HPSE2: variants seen among roughly 807,000 people sequenced by gnomAD.
The protein encoded by HPSE2 is inactive heparanase-2.
Under a neutral mutation model 60.5 loss-of-function variants are expected in HPSE2, and 38 were observed. That is an observed-to-expected ratio of 0.63 (90% CI 0.48 to 0.82). HPSE2 has a LOEUF of 0.82. Among genes scored for constraint, HPSE2 ranks in the 40% least tolerant of loss-of-function variants. HPSE2 has a pLI of 0.00. For synonymous variants in HPSE2, 295 were observed against 293.2 expected (o/e 1.01, Z -0.06); for missense variants, 713 against 740.4 (o/e 0.96, Z 0.43).
chr10:99,284,689 G>A, the HPSE2 span, among the ~76,000 whole-genome samples: 53 of 152,074 alleles, frequency 3.5e-4, no homozygotes, highest in African/African-American at 1.3e-3. Context: ...AAATATTTGG[G>A]TTTTTTAACT....
chr10:99,004,919 C>A (rs972501074), intron 3 of HPSE2, among the ~76,000 whole-genome samples: 25 of 152,094 alleles, frequency 1.6e-4, no homozygotes, highest in Admixed American at 1.6e-3. Flanking sequence ...GAATACAGTA[C>A]TCTTGGTTGG....
chr10:99,215,848 T>C (rs1169303523), intron 2 of HPSE2, among the ~76,000 whole-genome samples: 1 of 152,204 alleles, frequency 6.6e-6, no homozygotes, highest in East Asian at 1.9e-4. Flanking sequence ...GCTCTAACTA[T>C]AATAGAAGTC....
chr10:98,609,188 T>C (rs1945678956), intron 9 of HPSE2, among the ~76,000 whole-genome samples: 1 of 152,174 alleles, frequency 6.6e-6, no homozygotes, highest in Admixed American at 6.5e-5. Context: ...CTCCACCCAG[T>C]ATGACTTCTG....
chr10:98,616,779 A>C (rs1374495325), intron 8 of HPSE2, among the ~76,000 whole-genome samples: 1 of 152,162 alleles, frequency 6.6e-6, no homozygotes, highest in Non-Finnish European at 1.5e-5. Flanking sequence ...GAACATTGTG[A>C]CCCAGGGAAT....
chr10:99,165,847 T>C (rs1471669081), intron 2 of HPSE2, among the ~76,000 whole-genome samples: 1 of 152,088 alleles, frequency 6.6e-6, no homozygotes, highest in Non-Finnish European at 1.5e-5. Context: ...CAGCCAGTCC[T>C]GTGGGTTTTG....
At chr10:98,917,470 G>A (rs1342760044) in intron 3 of HPSE2, among the ~76,000 whole-genome samples, 3 of 152,144 alleles carry the variant, frequency 2.0e-5, no homozygotes, top group African/African-American at 7.2e-5. Context: ...AGATAATTCT[G>A]AAATCAATCC....
intron 3 of HPSE2, among the ~76,000 whole-genome samples, chr10:98,925,774 G>T (rs111375048): frequency 3.9e-5 from 6 of 152,214 alleles, no homozygotes; most frequent in African/African-American, 1.2e-4. Flanking sequence ...TTGCTAGATT[G>T]GTCCTTTATT....
At chr10:98,628,056 C>A (rs566697040) in intron 7 of HPSE2, among the ~76,000 whole-genome samples, 39 of 152,206 alleles carry the variant, frequency 2.6e-4, no homozygotes, top group African/African-American at 7.7e-4. Flanking sequence ...AAAACTAAAC[C>A]AGTTATATGA....
At chr10:98,544,366 C>G (rs893422935) in intron 9 of HPSE2, among the ~76,000 whole-genome samples, 3 of 152,140 alleles carry the variant, frequency 2.0e-5, no homozygotes, top group Non-Finnish European at 1.5e-5. Context: ...TAAATGCCCA[C>G]AAGAGAAAGC....
chr10:99,114,915 A>G (rs1157682045), intron 3 of HPSE2, among the ~76,000 whole-genome samples: 1 of 151,534 alleles, frequency 6.6e-6, no homozygotes, highest in Non-Finnish European at 1.5e-5. Context: ...AAAAAAAAAA[A>G]AAAAGAAGAA....
At chr10:98,541,186 T>C (rs1014087817) in intron 9 of HPSE2, among the ~76,000 whole-genome samples, 2 of 152,248 alleles carry the variant, frequency 1.3e-5, no homozygotes, top group Non-Finnish European at 2.9e-5. Flanking sequence ...ACTGCAACTC[T>C]AGTGTTTCAT....
At chr10:98,716,425 T>C (rs955956555) in intron 5 of HPSE2, among the ~76,000 whole-genome samples, 2 of 140,844 alleles carry the variant, frequency 1.4e-5, no homozygotes, top group Non-Finnish European at 3.1e-5. Context: ...ACCCTAAAAC[T>C]TAAAGTATAA....
chr10:98,610,035 G>A (rs1382288205), intron 9 of HPSE2, among the ~76,000 whole-genome samples: 1 of 151,902 alleles, frequency 6.6e-6, no homozygotes, highest in Admixed American at 6.6e-5. Context: ...TAGAGACGGG[G>A]TTTCACTATG....
chr10:98,829,612 A>C (rs1047880280), intron 3 of HPSE2, among the ~76,000 whole-genome samples: 1 of 152,182 alleles, frequency 6.6e-6, no homozygotes, highest in Non-Finnish European at 1.5e-5. Context: ...GGCCCTGAAT[A>C]GTACACTTAA....
intron 5 of HPSE2, among the ~76,000 whole-genome samples, chr10:98,707,557 A>G (rs895814551): frequency 4.6e-5 from 7 of 152,132 alleles, no homozygotes; most frequent in Admixed American, 4.6e-4. Flanking sequence ...TATTATTTAA[A>G]TGTTAGTGAT....
intron 3 of HPSE2, among the ~76,000 whole-genome samples, chr10:99,131,921 G>A (rs372812249): frequency 1.9e-4 from 29 of 151,730 alleles, no homozygotes; most frequent in African/African-American, 6.8e-4. Context: ...AGACTAGCCT[G>A]GCCAACATGA....
At position 98,715,617 on chromosome 10, in the gene HPSE2, A is replaced by G. The variant is rs1414372629; in HGVS notation, c.956+6040T>C. ...TACAATAAAGAGAGTCACACAAATT[A>G]TTTGGTTTCTCAGTACATATAAGAG... On this transcript the variant is annotated intron_variant, in intron 5 of 11. Transcript: ENST00000370552. 2.6e-5 allele frequency among the ~76,000 whole-genome samples: 4 copies of G among 152,108 alleles called. No individual in the cohort carries two copies. The South Asian group carries it at 8.3e-4, about 32-fold the overall frequency.
intron 2 of HPSE2, among the ~76,000 whole-genome samples, chr10:99,214,445 A>C (rs1005777274): frequency 1.3e-5 from 2 of 152,262 alleles, no homozygotes; most frequent in Admixed American, 1.3e-4. Flanking sequence ...CAAAAAGTCA[A>C]TTAAACTAAT....
Position 98,929,539 on chromosome 10 carries a change from G to A in HPSE2, c.611-185483C>T, listed in dbSNP as rs760286930. Among the ~76,000 whole-genome samples, 2 of 143,878 alleles carry A rather than the reference G, an allele frequency of 1.4e-5. 1 individual carries two copies. Among genetic ancestry groups the A allele is most frequent in the Non-Finnish European group, 3.0e-5 (2 of 67,202 alleles). 94.4% of individuals were successfully genotyped at this position (143,878 alleles called of 152,430 possible). On this transcript the variant is annotated intron_variant, in intron 3 of 11. Transcript: ENST00000370552. ...AAGCCCAGTTTTGTAAAGAAGCTGA[G>A]TGGCTTCTGAAGACCTAAGTTATTT...
Sources: gnomAD v4.1 joint callset for allele counts (sites outside exome capture counted in the v4.1 genomes callset) on GRCh38, gnomAD v4.1.1 for gene constraint, MANE v1.5 for transcripts, NCBI Gene and HGNC (gene_info 2026-07-23, HGNC 2026-07-21) for gene names.